Variants in DSC3 observed in about 807,000 individuals in gnomAD.
DSC3 encodes the protein desmocollin-3.
Under a neutral mutation model 89.5 loss-of-function variants are expected in DSC3, and 97 were observed. The ratio of observed to expected loss-of-function variants is 1.08; its 90% CI spans 0.92 to 1.28. The LOEUF (loss-of-function observed/expected upper bound fraction) is 1.28. Among genes scored for constraint, DSC3 ranks in the 50% most tolerant of loss-of-function variants. DSC3 has a pLI of 0.00. For synonymous variants in DSC3, 436 were observed against 384.1 expected, an observed-to-expected ratio of 1.14 and a Z score of -1.58; for missense variants, 1,199 against 1,085.3, an observed-to-expected ratio of 1.10 and a Z score of -1.47.
At chr18:31,005,588 A>T (rs1346228546) in intron 12 of DSC3, among the ~76,000 whole-genome samples, 2 of 152,332 alleles carry the variant, frequency 1.3e-5, no homozygotes, top group Non-Finnish European at 2.9e-5. Context: ...AATGACATGG[A>T]TATACTTATT....
rs186784352 is a variant in DSC3 at position 31,037,757 on chromosome 18, G to T, written c.69+4835C>A. Among the ~76,000 whole-genome samples, 1,292 of 152,086 alleles carry T rather than the reference G, an allele frequency of 8.5e-3. 2 individuals carry two copies. The highest frequency in any genetic ancestry group is 0.013 in the Admixed American group (194 of 15,274). ...TCTACTAAAAATACAAAAATTAGCCGGCTGTGGTGGCACAAGCCTGTAATC... is the reference window on the plus strand; with the variant it reads ...TCTACTAAAAATACAAAAATTAGCCTGCTGTGGTGGCACAAGCCTGTAATC... On this transcript the variant is annotated intron_variant, in intron 1 of 15. Coordinates refer to ENST00000360428, the MANE Select transcript of DSC3 (RefSeq NM_001941.5).
chr18:30,995,996 A>AAAAG (rs1984448134), intron 15 of DSC3, among the ~76,000 whole-genome samples: 1 of 136,410 alleles, frequency 7.3e-6, no homozygotes, highest in Non-Finnish European at 1.5e-5. Flanking sequence ...AAAAAAAAAA[A>AAAAG]AAAGAAAAGA....
intron 13 of DSC3, among the ~76,000 whole-genome samples, chr18:31,002,448 C>T (rs1280626054): frequency 6.6e-6 from 1 of 152,054 alleles, no homozygotes; most frequent in African/African-American, 2.4e-5. Flanking sequence ...CGCCTGTAAT[C>T]CCAGCACTTT....
Position 31,008,464 on chromosome 18 carries a change from G to A in DSC3, c.1325C>T (p.Pro442Leu). ...CACTCTGGGAATATCTCTAGCAAAT[G>A]GCGCTTCATTGTTTACTCCAATTTC... ...NLEIGVNNEA[P>L]FARDIPRVTA... The change falls in exon 10 of 16, where the codon CCA becomes CTA. Residue 442 changes from proline to leucine, a missense_variant. Pro to Leu is a moderately conservative substitution (Grantham distance 98). Transcript: ENST00000360428. 1 of 1,614,090 alleles carries A rather than the reference G, an allele frequency of 6.2e-7. No homozygotes were observed. The highest frequency in any genetic ancestry group is 2.2e-5 in the East Asian group (1 of 44,866).
chr18:31,032,048 T>C (rs1314381448), intron 2 of DSC3, 144 bp downstream of exon 2: 4 of 654,006 alleles, frequency 6.1e-6, no homozygotes, highest in African/African-American at 5.5e-5. Context: ...TTTAACAGAA[T>C]GATAACTTCT....
At chr18:31,035,684 C>T (rs1224606609) in intron 1 of DSC3, among the ~76,000 whole-genome samples, 1 of 151,756 alleles carries the variant, frequency 6.6e-6, no homozygotes, top group Non-Finnish European at 1.5e-5. Context: ...TCAATTAAAT[C>T]ATAAATGCTC....
chr18:30,996,608 A>G (rs534279589), intron 15 of DSC3, among the ~76,000 whole-genome samples, 183 bp downstream of exon 15: 107 of 152,302 alleles, frequency 7.0e-4, no homozygotes, highest in South Asian at 3.5e-3. Context: ...TGAAATATGA[A>G]AAATGAAATA....
intron 14 of DSC3, among the ~76,000 whole-genome samples, chr18:30,997,654 C>G (rs1469672014): frequency 6.6e-6 from 1 of 152,006 alleles, no homozygotes; most frequent in Non-Finnish European, 1.5e-5. Context: ...CTCGATGGCT[C>G]CAAGAAGATC....
At position 31,032,273 on chromosome 18, in the gene DSC3, A is replaced by G; in HGVS notation, c.73T>C (p.Phe25Leu). 1.2e-6 allele frequency: 2 copies of G among 1,610,464 alleles called. No individual in the cohort carries two copies. The highest frequency in any genetic ancestry group is 1.7e-6 in the Non-Finnish European group (2 of 1,176,650). Reference protein sequence around the residue: ...CLHLLLTLVIFSRAGEACKKV... With the variant: ...CLHLLLTLVILSRAGEACKKV... ...TTGCAGGCTTCACCAGCACGACTGA[A>G]GATCTAGAATTTAAAAGGTCACATT... Residue 25 changes from phenylalanine (F) to leucine (L), a missense_variant, in exon 2 of 16, where the codon TTC becomes CTC. Physicochemically the swap from Phe to Leu is conservative, Grantham distance 22 (BLOSUM62 0). Coordinates refer to ENST00000360428, the MANE Select transcript of DSC3 (RefSeq NM_001941.5).
At chr18:31,039,316 T>C (rs187039200) in intron 1 of DSC3, among the ~76,000 whole-genome samples, 21 of 152,298 alleles carry the variant, frequency 1.4e-4, no homozygotes, top group Non-Finnish European at 1.8e-4. Context: ...GTTGTTTCAC[T>C]TTCATGCTGT....
At chr18:31,021,641 A>C (rs1019074568) in intron 7 of DSC3, among the ~76,000 whole-genome samples, 2 of 152,204 alleles carry the variant, frequency 1.3e-5, no homozygotes, top group Non-Finnish European at 2.9e-5. Context: ...AAATTGATTC[A>C]TCTGCCTTAG....
At chr18:31,029,704 C>T in intron 3 of DSC3, 76 bp from the exon 4 acceptor site, 6 of 1,574,072 alleles carry the variant, frequency 3.8e-6, no homozygotes, top group South Asian at 1.1e-5. Context: ...GTGGACAGCT[C>T]ATAAACCTAA....
chr18:30,997,659 A>G (rs1427649145), intron 14 of DSC3, among the ~76,000 whole-genome samples: 1 of 152,204 alleles, frequency 6.6e-6, no homozygotes, highest in African/African-American at 2.4e-5. Flanking sequence ...TGGCTCCAAG[A>G]AGATCTTATT....
At chr18:31,015,303 A>G (rs1182856132) in intron 9 of DSC3, among the ~76,000 whole-genome samples, 2 of 152,146 alleles carry the variant, frequency 1.3e-5, no homozygotes, top group African/African-American at 4.8e-5. Flanking sequence ...CTGGAGTGCT[A>G]CTCAGAAATG....
chr18:31,003,999 A>T lies in DSC3; in HGVS notation c.2113+143T>A, dbSNP rs561930567. 33 of 635,928 alleles carry T rather than the reference A, an allele frequency of 5.2e-5. No homozygotes were observed. The South Asian group carries it at 6.2e-4, about 12-fold the overall frequency. 39.4% of individuals were successfully genotyped at this position (635,928 alleles called of 1,614,324 possible). A position where few individuals can be genotyped will look rare whatever the true frequency, so the allele number is the denominator to read the frequency against. On this transcript the variant is annotated intron_variant, in intron 13 of 15. Coordinates refer to ENST00000360428, the MANE Select transcript of DSC3 (RefSeq NM_001941.5). Reference sequence around the variant, plus strand: ...TTCCCGTCACAGAAAATATTCAAACACAACTCAGGTAATAATACAAAAGGA... The same window carrying T: ...TTCCCGTCACAGAAAATATTCAAACTCAACTCAGGTAATAATACAAAAGGA...
intron 12 of DSC3, among the ~76,000 whole-genome samples, chr18:31,004,697 AT>A (rs1407232417): frequency 1.3e-5 from 2 of 151,130 alleles, no homozygotes; most frequent in Non-Finnish European, 1.5e-5. Flanking sequence ...GTACCAATGT[AT>A]CTACAGGTAC....
chr18:31,028,333 A>G (rs1985671322), intron 4 of DSC3, among the ~76,000 whole-genome samples: 1 of 152,142 alleles, frequency 6.6e-6, no homozygotes, highest in Non-Finnish European at 1.5e-5. Flanking sequence ...TACTTCAAAA[A>G]GGAGGGAAAG....
At chr18:31,013,035 C>A (rs2144700646) in intron 9 of DSC3, among the ~76,000 whole-genome samples, 1 of 152,130 alleles carries the variant, frequency 6.6e-6, no homozygotes, top group East Asian at 1.9e-4. Flanking sequence ...AGAAAAAAAT[C>A]CACAAAGGAA....
chr18:31,040,081 T>C (rs1598556464), intron 1 of DSC3, among the ~76,000 whole-genome samples: 1 of 152,082 alleles, frequency 6.6e-6, no homozygotes, highest in South Asian at 2.1e-4. Context: ...CCCTAACAAA[T>C]ATAAAAATTT....
Sources: gnomAD v4.1 joint callset for allele counts (sites outside exome capture counted in the v4.1 genomes callset) on GRCh38, gnomAD v4.1.1 for gene constraint, MANE v1.5 for transcripts, NCBI Gene and HGNC (gene_info 2026-07-23, HGNC 2026-07-21) for gene names.